The following GLRA2 variants were observed in gnomAD, a reference collection of about 807,000 sequenced individuals.
The protein encoded by GLRA2 is glycine receptor subunit alpha-2.
GLRA2 carries 11 observed loss-of-function variants against 31.6 expected under a neutral mutation model. That is an observed-to-expected ratio of 0.35 (90% CI 0.22 to 0.58). The LOEUF (loss-of-function observed/expected upper bound fraction) is 0.58, where lower values mean the gene tolerates loss of function less well. GLRA2 is among the 20% of genes least tolerant of loss of function. GLRA2 has a pLI of 0.84. For missense variants in GLRA2, 212 were observed against 351.8 expected (o/e 0.60, Z 3.18); for synonymous variants, 132 against 134.0 (o/e 0.99, Z 0.10).
At chrX:14,521,024 G>A in the GLRA2 span, among the ~76,000 whole-genome samples, 2 of 112,540 alleles carry the variant, frequency 1.8e-5, no homozygotes, top group African/African-American at 6.5e-5. Context: ...AGGAAATAAA[G>A]GACATATGGG....
At chrX:14,662,131 A>G (rs2090997127) in intron 7 of GLRA2, among the ~76,000 whole-genome samples, 1 of 110,497 alleles carries the variant, frequency 9.1e-6, no homozygotes, top group Non-Finnish European at 1.9e-5. Context: ...ACCGAGATTT[A>G]TTATTTTCCT....
the GLRA2 span, among the ~76,000 whole-genome samples, chrX:14,459,049 A>G: frequency 3.6e-5 from 4 of 111,920 alleles, no homozygotes; most frequent in East Asian, 2.8e-4. Flanking sequence ...TAATTTTTAT[A>G]TAAGGTGTAA....
chrX:14,526,829 A>G (rs2089189147), upstream of GLRA2, among the ~76,000 whole-genome samples: 1 of 111,858 alleles, frequency 8.9e-6, no homozygotes, highest in Non-Finnish European at 1.9e-5. Context: ...AAATTATATT[A>G]CCATAATATT....
chrX:14,510,347 C>T, the GLRA2 span, among the ~76,000 whole-genome samples: 1 of 111,763 alleles, frequency 8.9e-6, no homozygotes, highest in Non-Finnish European at 1.9e-5. Flanking sequence ...GAAATAAATA[C>T]CCCAATTTGT....
At chrX:14,707,475 A>G (rs1188927117) in intron 8 of GLRA2, among the ~76,000 whole-genome samples, 1 of 111,037 alleles carries the variant, frequency 9.0e-6, no homozygotes, top group African/African-American at 3.3e-5. Flanking sequence ...TTTTGACATG[A>G]GAATATTGCA....
At chrX:14,483,162 C>T in the GLRA2 span, among the ~76,000 whole-genome samples, 3 of 111,934 alleles carry the variant, frequency 2.7e-5, no homozygotes, top group East Asian at 5.6e-4. Flanking sequence ...GTCAAGAAGG[C>T]GCCCAGTTAT....
rs143169699 is a variant in GLRA2 at position 14,655,990 on chromosome X, T to C, written c.931-34720T>C. ...TCAAAGTGTGATCCACAAACCAGCA[T>C]AGGCATAACCTGGGAACTTACTGGA... is the stretch of plus-strand genomic sequence containing the variant. On this transcript the variant is annotated intron_variant, in intron 7 of 8. Transcript: ENST00000218075. Among the ~76,000 whole-genome samples the C allele has an allele frequency of 3.3e-3, 367 of 112,236 alleles. 1 individual carries two copies. Among genetic ancestry groups the C allele is most frequent in the African/African-American group, 0.011 (353 of 30,904 alleles).
chrX:14,564,462 G>A (rs2089776153), intron 2 of GLRA2, among the ~76,000 whole-genome samples: 1 of 111,576 alleles, frequency 9.0e-6, no homozygotes, highest in South Asian at 3.7e-4. Flanking sequence ...GATAAAGGGA[G>A]TCCTTCAAGC....
At chrX:14,514,040 G>A in the GLRA2 span, among the ~76,000 whole-genome samples, 1 of 112,095 alleles carries the variant, frequency 8.9e-6, no homozygotes, top group African/African-American at 3.2e-5. Context: ...TAAATGAGTA[G>A]ATAAATTGTG....
At position 14,529,812 on chromosome X, in the gene GLRA2, A is replaced by C; in HGVS notation, c.-246A>C. ...AGGAAAAGCAGCTGGGGGATTCATC[A>C]GTTCTGAGGCTTTGTCTTTCTGGGT... On this transcript the variant is annotated 5_prime_UTR_variant, in exon 1 of 9. Coordinates refer to ENST00000218075, the MANE Select transcript of GLRA2 (RefSeq NM_002063.4). 1 of 405,395 alleles carries C rather than the reference A, an allele frequency of 2.5e-6. No individual in the cohort carries two copies. Among genetic ancestry groups the C allele is most frequent in the Non-Finnish European group, 4.3e-6 (1 of 234,622 alleles). 33.4% of individuals were successfully genotyped at this position (405,395 alleles called of 1,213,427 possible).
At chrX:14,452,714 G>T in the GLRA2 span, among the ~76,000 whole-genome samples, 3,038 of 111,798 alleles carry the variant, frequency 0.027, 130 homozygotes, top group African/African-American at 0.094. Flanking sequence ...ATTAGTGTTC[G>T]GACATATACC....
intron 7 of GLRA2, among the ~76,000 whole-genome samples, chrX:14,674,798 C>A (rs1480027909): frequency 9.1e-6 from 1 of 109,870 alleles, no homozygotes; most frequent in Non-Finnish European, 1.9e-5. Context: ...CACAAACACA[C>A]ACACTCTCTG....
At chrX:14,642,893 G>T (rs1332504392) in intron 7 of GLRA2, among the ~76,000 whole-genome samples, 2 of 111,060 alleles carry the variant, frequency 1.8e-5, no homozygotes, top group Non-Finnish European at 3.8e-5. Context: ...GTCCATGATT[G>T]CATCATGGTA....
intron 7 of GLRA2, among the ~76,000 whole-genome samples, chrX:14,658,219 GAC>G (rs1294803858): frequency 3.6e-5 from 4 of 111,355 alleles, no homozygotes; most frequent in African/African-American, 1.3e-4. Context: ...CTATGACAAA[GAC>G]TATATTATTA....
chrX:14,577,087 A>G (rs929885163), intron 3 of GLRA2, among the ~76,000 whole-genome samples: 1 of 113,105 alleles, frequency 8.8e-6, no homozygotes, highest in African/African-American at 3.2e-5. Context: ...GTAAAAGGCC[A>G]GACAGTATAC....
chrX:14,665,537 A>G (rs1471109333), intron 7 of GLRA2, among the ~76,000 whole-genome samples: 1 of 112,172 alleles, frequency 8.9e-6, no homozygotes, highest in Non-Finnish European at 1.9e-5. Flanking sequence ...TATTGAATTC[A>G]TAATAAATCC....
At chrX:14,688,240 C>T (rs772067486) in intron 7 of GLRA2, among the ~76,000 whole-genome samples, 171 of 111,731 alleles carry the variant, frequency 1.5e-3, no homozygotes, top group African/African-American at 5.1e-3. Flanking sequence ...TTAGGCTACT[C>T]GGGGGTCAGG....
At chrX:14,650,291 G>A (rs1336662751) in intron 7 of GLRA2, among the ~76,000 whole-genome samples, 1 of 110,242 alleles carries the variant, frequency 9.1e-6, no homozygotes, top group Non-Finnish European at 1.9e-5. Context: ...TTTCTACATA[G>A]GACACTCTCA....
intron 7 of GLRA2, among the ~76,000 whole-genome samples, chrX:14,628,852 A>G (rs779534012): frequency 9.0e-6 from 1 of 111,560 alleles, no homozygotes; most frequent in African/African-American, 3.3e-5. Flanking sequence ...TTTCCTCATT[A>G]TGGGGATGTA....
Sources: allele counts gnomAD v4.1 joint callset (sites outside exome capture counted in the v4.1 genomes callset), GRCh38; gene constraint gnomAD v4.1.1; transcripts MANE v1.5; gene names NCBI Gene and HGNC (gene_info 2026-07-23, HGNC 2026-07-21).